TENM2: variants seen among roughly 807,000 people sequenced by gnomAD.
The protein encoded by TENM2 is teneurin-2.
TENM2 carries 52 observed loss-of-function variants against 245.2 expected under a neutral mutation model. The ratio of observed to expected loss-of-function variants is 0.21; its 90% CI spans 0.17 to 0.27. TENM2 has a LOEUF of 0.27. Ranked by LOEUF, TENM2 falls within the 10% of genes least tolerant of loss-of-function variation. The probability of loss-of-function intolerance (pLI) is 1.00; values close to 1 mark genes in which losing one functional copy is unlikely to be tolerated. For synonymous variants in TENM2, 1,363 were observed against 1,438.9 expected, an observed-to-expected ratio of 0.95 and a Z score of 1.19; for missense variants, 3,046 against 3,666.8, an observed-to-expected ratio of 0.83 and a Z score of 4.37.
chr5:167,324,391 C>A (rs1170453077), intron 1 of TENM2, among the ~76,000 whole-genome samples: 1 of 152,126 alleles, frequency 6.6e-6, no homozygotes, highest in Non-Finnish European at 1.5e-5. Context: ...ACATGTAGTT[C>A]TTCATTGCCA....
intron 9 of TENM2, among the ~76,000 whole-genome samples, chr5:168,117,088 A>T (rs1389695979): frequency 6.6e-6 from 1 of 152,212 alleles, no homozygotes; most frequent in Non-Finnish European, 1.5e-5. Flanking sequence ...CTGAAATCCC[A>T]TTCTTGATGA....
At chr5:167,404,732 A>T (rs1762537797) in intron 2 of TENM2, among the ~76,000 whole-genome samples, 1 of 152,152 alleles carries the variant, frequency 6.6e-6, no homozygotes, top group South Asian at 2.1e-4. Context: ...TGCCCTGCTC[A>T]TGTTTCTTCA....
intron 2 of TENM2, among the ~76,000 whole-genome samples, chr5:167,856,434 T>G (rs1771104968): frequency 6.6e-6 from 1 of 152,200 alleles, no homozygotes; most frequent in South Asian, 2.1e-4. Context: ...ATCATGAAAC[T>G]AGGGTTGGCC....
In TENM2 at chr5:168,254,920, G is replaced by A. The variant is rs1289283393; in HGVS notation, c.7433-5363G>A. On this transcript the variant is annotated intron_variant, in intron 27 of 28. Coordinates refer to ENST00000518659, the Ensembl canonical transcript of TENM2. ...AAATTAGCGGGGCATGGTGGTGCGT[G>A]CCTGTGATCCCAGCTACTAGAGAAG... Among the ~76,000 whole-genome samples, 4 of 152,128 alleles carry A rather than the reference G, an allele frequency of 2.6e-5. No individual in the cohort carries two copies. The East Asian group carries it at 7.8e-4, about 30-fold the overall frequency.
Position 167,787,667 on chromosome 5 carries a change from C to T in TENM2, c.503-88319C>T, listed in dbSNP as rs749295991. ...TATTAGATCTTTTTGACCTAGCCTA[C>T]ATATCATGGCTGTCCCTGTCCTCTG... On this transcript the variant is annotated intron_variant, in intron 2 of 28. Transcript: ENST00000518659. Among the ~76,000 whole-genome samples, 179 of 152,322 alleles carry T rather than the reference C, an allele frequency of 1.2e-3. 1 individual carries two copies. Among genetic ancestry groups the T allele is most frequent in the Middle Eastern group, 3.4e-3 (1 of 294 alleles).
rs74595254 is a variant in TENM2, at chr5:168,190,270, G to A, written c.2570-67G>A. On this transcript the variant is annotated intron_variant, in intron 13 of 28. Transcript: ENST00000518659. ...TCATGCCTGTGCTGGTAACAAAGGTGTTAGTGTCTCCAAACAGCTTTATGC... is the reference window on the plus strand; with the variant it reads ...TCATGCCTGTGCTGGTAACAAAGGTATTAGTGTCTCCAAACAGCTTTATGC... 973 of 1,267,856 alleles carry A rather than the reference G, an allele frequency of 7.7e-4. 8 individuals carry two copies. In the African/African-American group the frequency reaches 0.013, roughly 17 times the overall value. 78.5% of individuals were successfully genotyped at this position (1,267,856 alleles called of 1,614,324 possible). A position where few individuals can be genotyped will look rare whatever the true frequency, so the allele number is the denominator to read the frequency against.
intron 2 of TENM2, among the ~76,000 whole-genome samples, chr5:167,813,469 G>A (rs529641557): frequency 1.3e-5 from 2 of 152,210 alleles, no homozygotes; most frequent in South Asian, 4.1e-4. Flanking sequence ...CAGAAAGAGT[G>A]TTGCAGTGTT....
chr5:167,834,097 A>G (rs867814198), intron 2 of TENM2, among the ~76,000 whole-genome samples: 1 of 19,856 alleles, frequency 5.0e-5, no homozygotes, highest in East Asian at 4.0e-4. Context: ...AGACAAACAT[A>G]AACAGGTAAA....
chr5:167,153,341 GA>G, the TENM2 span, among the ~76,000 whole-genome samples: 1,325 of 151,998 alleles, frequency 8.7e-3, 20 homozygotes, highest in African/African-American at 0.031. Flanking sequence ...GTAAGCTAGG[GA>G]AAAAAGTTAT....
At chr5:167,489,485 A>G (rs559203627) in intron 2 of TENM2, among the ~76,000 whole-genome samples, 1 of 152,278 alleles carries the variant, frequency 6.6e-6, no homozygotes, top group South Asian at 2.1e-4. Context: ...TCACTTTGTC[A>G]GGGAGTGTTT....
chr5:167,367,766 A>G (rs1308696239), intron 1 of TENM2, among the ~76,000 whole-genome samples: 1 of 152,152 alleles, frequency 6.6e-6, no homozygotes, highest in East Asian at 1.9e-4. Context: ...ATGCGAGATA[A>G]CAATTTGGCA....
chr5:167,275,005 C>T, the TENM2 span, among the ~76,000 whole-genome samples: 1 of 151,818 alleles, frequency 6.6e-6, no homozygotes, highest in African/African-American at 2.4e-5. Context: ...AATATATATA[C>T]ATATAAATAT....
At chr5:167,075,223 G>A in the TENM2 span, among the ~76,000 whole-genome samples, 5 of 152,072 alleles carry the variant, frequency 3.3e-5, no homozygotes, top group African/African-American at 7.2e-5. Context: ...AGAGTTTCAT[G>A]GGGGAGAACC....
chr5:167,143,219 G>A, the TENM2 span, among the ~76,000 whole-genome samples: 9 of 152,178 alleles, frequency 5.9e-5, no homozygotes, highest in African/African-American at 1.7e-4. Context: ...ATGAGGCTTC[G>A]ATATGACCAT....
At chr5:168,158,850 T>TATATACACACAC (rs1339051385) in intron 12 of TENM2, among the ~76,000 whole-genome samples, 2 of 62,334 alleles carry the variant, frequency 3.2e-5, no homozygotes, top group South Asian at 4.4e-4. Context: ...TATATATATA[T>TATATACACACAC]ACACACACAC....
At chr5:167,174,847 T>A in the TENM2 span, among the ~76,000 whole-genome samples, 1,745 of 152,188 alleles carry the variant, frequency 0.011, 22 homozygotes, top group Middle Eastern at 0.031. Context: ...CCAGAAACCA[T>A]GTTGTACTCT....
chr5:167,353,537 TCG>T (rs1298568598), intron 1 of TENM2, among the ~76,000 whole-genome samples: 1 of 121,736 alleles, frequency 8.2e-6, no homozygotes, highest in Non-Finnish European at 1.6e-5. Flanking sequence ...AGACGGAGTC[TCG>T]CTCTGTCGCC....
At chr5:167,186,606 G>A in the TENM2 span, among the ~76,000 whole-genome samples, 1 of 152,182 alleles carries the variant, frequency 6.6e-6, no homozygotes, top group Non-Finnish European at 1.5e-5. Context: ...TGTGTAGTTG[G>A]CTTCTCTGCC....
At chr5:167,935,781 G>A (rs1778659598) in intron 3 of TENM2, among the ~76,000 whole-genome samples, 1 of 152,094 alleles carries the variant, frequency 6.6e-6, no homozygotes, top group African/African-American at 2.4e-5. Flanking sequence ...AGATGTCTCC[G>A]TAAGTTGCCA....
Sources: allele counts gnomAD v4.1 joint callset (sites outside exome capture counted in the v4.1 genomes callset), GRCh38; gene constraint gnomAD v4.1.1; transcripts MANE v1.5; gene names NCBI Gene and HGNC (gene_info 2026-07-23, HGNC 2026-07-21).